FBLN2: variants seen among roughly 807,000 people sequenced by gnomAD.
FBLN2 encodes fibulin-2.
FBLN2 carries 81 observed loss-of-function variants against 123.7 expected under a neutral mutation model. That is an observed-to-expected ratio of 0.65 (90% CI 0.55 to 0.79). The LOEUF (loss-of-function observed/expected upper bound fraction) is 0.79, where lower values mean the gene tolerates loss of function less well. Ranked by LOEUF, FBLN2 falls within the 30% of genes least tolerant of loss-of-function variation. The probability of loss-of-function intolerance (pLI) is 0.00; values close to 1 mark genes in which losing one functional copy is unlikely to be tolerated. For missense variants in FBLN2, 1,603 were observed against 1,681.3 expected, an observed-to-expected ratio of 0.95 and a Z score of 0.81; for synonymous variants, 699 against 701.4, an observed-to-expected ratio of 1.00 and a Z score of 0.05.
At chr3:13,550,030 CAT>C (rs1029439211) in intron 1 of FBLN2, among the ~76,000 whole-genome samples, 16 of 152,240 alleles carry the variant, frequency 1.1e-4, no homozygotes, top group Non-Finnish European at 2.1e-4. Context: ...ATGTATCACA[CAT>C]GTGTCTCTCA....
intron 1 of FBLN2, among the ~76,000 whole-genome samples, chr3:13,557,066 T>C (rs1332461786): frequency 6.6e-6 from 1 of 152,278 alleles, no homozygotes; most frequent in Non-Finnish European, 1.5e-5. Context: ...CTGCAGGTGG[T>C]CTGTGCTTTC....
chr3:13,571,907 C>T (rs1216040937), intron 2 of FBLN2, among the ~76,000 whole-genome samples: 4 of 152,118 alleles, frequency 2.6e-5, no homozygotes, highest in African/African-American at 7.2e-5. Context: ...GCTGGGCCCC[C>T]TGGTAGGGCT....
At chr3:13,553,127 C>G (rs890323407) in intron 1 of FBLN2, among the ~76,000 whole-genome samples, 6 of 152,264 alleles carry the variant, frequency 3.9e-5, no homozygotes, top group Admixed American at 2.6e-4. Flanking sequence ...TGGCTTCTTT[C>G]AGAGTGGGGG....
chr3:13,602,968 T>C (rs1424126319), intron 2 of FBLN2, among the ~76,000 whole-genome samples: 1 of 151,320 alleles, frequency 6.6e-6, no homozygotes, highest in Non-Finnish European at 1.5e-5. Flanking sequence ...TGGAGTGCAG[T>C]GGTGCGATCT....
rs1705328659 is a variant in FBLN2, at chr3:13,609,725, C to T, written c.1548+83C>T. 4 of 1,506,346 alleles carry T rather than the reference C, an allele frequency of 2.7e-6. No homozygotes were observed. The Admixed American group carries it at 8.4e-5, about 32-fold the overall frequency. The allele number at this position is 1,506,346 out of a possible 1,614,324, so 93.3% of individuals were successfully genotyped here. On this transcript the variant is annotated intron_variant, in intron 4 of 17. Transcript: ENST00000404922. Reference sequence around the variant, plus strand: ...CCTGGGCCTGAAGGTCCTCGTGGCCCAAGAAGTTAGGCTGTCCTTGGGGCT... The same window carrying T: ...CCTGGGCCTGAAGGTCCTCGTGGCCTAAGAAGTTAGGCTGTCCTTGGGGCT...
At position 13,618,290 on chromosome 3, in the gene FBLN2, G is replaced by C. The variant is rs111455203; in HGVS notation, c.1939+5G>C. ...ATGGCCGCACTTGCCGCCCAGGTAA[G>C]GGCCCTGATGGCCAGGGCAGGGGCT... On this transcript the variant is annotated splice_donor_5th_base_variant and intron_variant, in intron 6 of 17. Coordinates refer to ENST00000404922, the MANE Select transcript of FBLN2 (RefSeq NM_001004019.2). The C allele has an allele frequency of 7.4e-6, 12 of 1,613,482 alleles. No homozygotes were observed. The highest frequency in any genetic ancestry group is 8.5e-6 in the Non-Finnish European group (10 of 1,179,832).
intron 2 of FBLN2, among the ~76,000 whole-genome samples, chr3:13,587,468 A>G (rs907977574): frequency 1.3e-5 from 2 of 152,156 alleles, no homozygotes; most frequent in Non-Finnish European, 2.9e-5. Context: ...TGAGTCACCC[A>G]CGGCAGCATC....
At chr3:13,556,436 C>T (rs1376833569) in intron 1 of FBLN2, among the ~76,000 whole-genome samples, 1 of 152,182 alleles carries the variant, frequency 6.6e-6, no homozygotes, top group Non-Finnish European at 1.5e-5. Context: ...ATGGGGGCTC[C>T]ACCCATGTAA....
chr3:13,606,427 A>G (rs950364301), intron 2 of FBLN2, among the ~76,000 whole-genome samples: 1 of 152,166 alleles, frequency 6.6e-6, no homozygotes, highest in Non-Finnish European at 1.5e-5. Flanking sequence ...TTGAGTTTTA[A>G]GACATTCTCC....
intron 17 of FBLN2, 125 bp downstream of exon 17, chr3:13,636,693 G>A: frequency 8.2e-7 from 1 of 1,213,124 alleles, no homozygotes. Flanking sequence ...CTGACTGCTG[G>A]GTCTGTGGGC....
At chr3:13,587,996 G>A (rs1704561589) in intron 2 of FBLN2, among the ~76,000 whole-genome samples, 3 of 152,238 alleles carry the variant, frequency 2.0e-5, no homozygotes, top group Admixed American at 2.0e-4. Flanking sequence ...TTGGGCACAA[G>A]TGGTCAGGAC....
intron 2 of FBLN2, among the ~76,000 whole-genome samples, chr3:13,577,480 G>A (rs912619973): frequency 6.6e-6 from 1 of 152,190 alleles, no homozygotes; most frequent in African/African-American, 2.4e-5. Flanking sequence ...AGGGCCTGTG[G>A]CCACCATGAG....
chr3:13,618,915 C>T lies in FBLN2; in HGVS notation c.1951C>T (p.Pro651Ser), dbSNP rs1705736034. Residue 651 changes from proline (P) to serine (S), a missense_variant, in exon 7 of 18, where the codon CCA becomes TCA. Physicochemically the swap from Pro to Ser is moderately conservative, Grantham distance 74. Coordinates refer to ENST00000404922, the MANE Select transcript of FBLN2 (RefSeq NM_001004019.2). ...GRTCRPEGHP[P>S]QPEAPQEPAL... is the part of the protein sequence containing the mutation. ...TCTACCCATGACAGAGGGTCACCCT[C>T]CACAGCCGGAAGCCCCACAGGAGCC... is the stretch of plus-strand genomic sequence containing the variant. 3 of 1,612,778 alleles carry T rather than the reference C, an allele frequency of 1.9e-6. No individual in the cohort carries two copies. The highest frequency in any genetic ancestry group is 4.5e-5 in the East Asian group (2 of 44,854).
At chr3:13,636,107 G>T (rs1706455346) in intron 16 of FBLN2, among the ~76,000 whole-genome samples, 1 of 152,244 alleles carries the variant, frequency 6.6e-6, no homozygotes, top group Admixed American at 6.5e-5. Context: ...GCCCAAGGAT[G>T]TCCAGCAGGA....
At position 13,629,012 on chromosome 3, in the gene FBLN2, G is replaced by T; in HGVS notation, c.2677G>T (p.Gly893Cys). ...CQRNPLICARGYHASDDGTKC... is the reference protein window; with the variant it reads ...CQRNPLICARCYHASDDGTKC... The stretch of plus-strand genomic sequence containing the variant: ...GAGGAACCCGCTGATCTGCGCGCGC[G>T]GCTACCACGCCAGCGATGATGGGAC... The change falls in exon 12 of 18, where the codon GGC becomes TGC. Residue 893 changes from glycine (G) to cysteine (C), a missense_variant. Coordinates refer to ENST00000404922, the MANE Select transcript of FBLN2 (RefSeq NM_001004019.2). The T allele has an allele frequency of 6.2e-7, 1 of 1,613,386 alleles. No individual in the cohort carries two copies. Among genetic ancestry groups the T allele is most frequent in the East Asian group, 2.2e-5 (1 of 44,870 alleles).
chr3:13,623,217 T>C (rs1363100519), intron 9 of FBLN2, among the ~76,000 whole-genome samples: 2 of 152,182 alleles, frequency 1.3e-5, no homozygotes, highest in Non-Finnish European at 2.9e-5. Flanking sequence ...GTTGGGTCCG[T>C]GTGTGTACGT....
At chr3:13,577,529 G>A (rs190774170) in intron 2 of FBLN2, among the ~76,000 whole-genome samples, 39 of 152,318 alleles carry the variant, frequency 2.6e-4, no homozygotes, top group Middle Eastern at 3.4e-3. Context: ...CTACAGCAGG[G>A]TGTTGAACAA....
chr3:13,614,901 TATCCATCCATCC>T (rs113294664), intron 5 of FBLN2, among the ~76,000 whole-genome samples: 23 of 139,704 alleles, frequency 1.6e-4, no homozygotes, highest in East Asian at 4.4e-4. Flanking sequence ...TCTATTCATC[TATCCATCCATCC>T]ATCCATCCAT....
At chr3:13,549,510 T>C (rs1239369276) in intron 1 of FBLN2, among the ~76,000 whole-genome samples, 6 of 151,040 alleles carry the variant, frequency 4.0e-5, no homozygotes, top group African/African-American at 1.5e-4. Flanking sequence ...CTTCCTCCGC[T>C]CTGGGTTTCA....
Sources: gnomAD v4.1 joint callset for allele counts (sites outside exome capture counted in the v4.1 genomes callset) on GRCh38, gnomAD v4.1.1 for gene constraint, MANE v1.5 for transcripts, NCBI Gene and HGNC (gene_info 2026-07-23, HGNC 2026-07-21) for gene names.